LRRC3B: variants seen among roughly 807,000 people sequenced by gnomAD.
LRRC3B encodes the protein leucine-rich repeat-containing protein 3B.
Under a neutral mutation model 12.8 loss-of-function variants are expected in LRRC3B, and 2 were observed. That is an observed-to-expected ratio of 0.16 (90% confidence interval 0.06 to 0.49). LRRC3B has a LOEUF of 0.49. Among genes scored for constraint, LRRC3B ranks in the 20% least tolerant of loss-of-function variants. LRRC3B has a pLI of 0.96. For missense variants in LRRC3B, 189 were observed against 319.4 expected, an observed-to-expected ratio of 0.59 and a Z score of 3.11; for synonymous variants, 132 against 122.0, an observed-to-expected ratio of 1.08 and a Z score of -0.54.
chr3:26,629,322 G>A (rs189342627), intron 1 of LRRC3B, among the ~76,000 whole-genome samples: 1 of 151,932 alleles, frequency 6.6e-6, no homozygotes, highest in African/African-American at 2.4e-5. Flanking sequence ...GTAACTTACT[G>A]GGAGAGACTG....
intron 1 of LRRC3B, among the ~76,000 whole-genome samples, chr3:26,637,829 A>G (rs1439891068): frequency 6.6e-6 from 1 of 152,266 alleles, no homozygotes; most frequent in East Asian, 1.9e-4. Context: ...GACTAATATC[A>G]TCACCCAATG....
intron 1 of LRRC3B, among the ~76,000 whole-genome samples, chr3:26,650,711 CATT>C (rs368052906): frequency 6.6e-6 from 1 of 151,984 alleles, no homozygotes; most frequent in Admixed American, 6.6e-5. Context: ...CCAAATAGCT[CATT>C]ATTATTATTA....
intron 1 of LRRC3B, among the ~76,000 whole-genome samples, chr3:26,668,117 C>T (rs1046585723): frequency 6.6e-6 from 1 of 151,104 alleles, no homozygotes; most frequent in Non-Finnish European, 1.5e-5. Flanking sequence ...TGAGTTTGCT[C>T]TCTTTGTAAT....
intron 1 of LRRC3B, among the ~76,000 whole-genome samples, chr3:26,693,322 C>A (rs1205044808): frequency 7.7e-6 from 1 of 130,028 alleles, no homozygotes. Context: ...GAGCGAAACT[C>A]CGTCTCAAAA....
rs146258223 is a variant in LRRC3B, at chr3:26,710,036, G to A, written c.364G>A (p.Asp122Asn). Residue 122 changes from aspartate to asparagine, a missense_variant, in exon 2 of 2, where the codon GAC becomes AAC. Transcript: ENST00000396641. ...AACCTTGCAGACTCTGGACTTGTCC[G>A]ACAATCGGATTCAAAGTGTGCACAA... 59 of 1,614,052 alleles carry A rather than the reference G, an allele frequency of 3.7e-5. 1 individual carries two copies. Among genetic ancestry groups the A allele is most frequent in the South Asian group, 2.3e-4 (21 of 91,072 alleles).
chr3:26,699,692 A>G (rs1700406736), intron 1 of LRRC3B, among the ~76,000 whole-genome samples: 1 of 152,218 alleles, frequency 6.6e-6, no homozygotes, highest in Admixed American at 6.5e-5. Flanking sequence ...ACTCTGGTGA[A>G]TCTTGAGAGC....
At chr3:26,709,832 A>C (rs1046704717) in exon 2 of LRRC3B, 1 of 1,614,120 alleles carries the variant, frequency 6.2e-7, no homozygotes, top group African/African-American at 1.3e-5. Flanking sequence ...TAGCAATGCA[A>C]ATCTCAAGGA....
chr3:26,647,059 G>C (rs532503323), intron 1 of LRRC3B, among the ~76,000 whole-genome samples: 19 of 152,010 alleles, frequency 1.2e-4, no homozygotes, highest in Non-Finnish European at 2.2e-4. Flanking sequence ...CCTTCCTTCT[G>C]TTTGTAGAAC....
At chr3:26,685,615 G>GTGTATATATATATA (rs1395832034) in intron 1 of LRRC3B, among the ~76,000 whole-genome samples, 3 of 120,484 alleles carry the variant, frequency 2.5e-5, no homozygotes, top group African/African-American at 1.0e-4. Context: ...ATGTGTGTGT[G>GTGTATATATATATA]TATATATATA....
At chr3:26,648,101 T>C (rs1230541555) in intron 1 of LRRC3B, among the ~76,000 whole-genome samples, 1 of 151,940 alleles carries the variant, frequency 6.6e-6, no homozygotes, top group Non-Finnish European at 1.5e-5. Flanking sequence ...TTTTTTCATC[T>C]ACTTACCTTT....
intron 1 of LRRC3B, among the ~76,000 whole-genome samples, chr3:26,668,233 T>C (rs1350004337): frequency 6.6e-6 from 1 of 152,016 alleles, no homozygotes; most frequent in Non-Finnish European, 1.5e-5. Context: ...CTCTGAGAAA[T>C]GACTAGACTT....
chr3:26,624,219 C>A (rs557588119), intron 1 of LRRC3B: 5 of 152,500 alleles, frequency 3.3e-5, no homozygotes, highest in Non-Finnish European at 5.9e-5. Context: ...CCGCGAGAAT[C>A]TGAATGCGTT....
intron 1 of LRRC3B, among the ~76,000 whole-genome samples, chr3:26,646,842 T>G (rs1256080999): frequency 6.6e-6 from 1 of 152,088 alleles, no homozygotes; most frequent in Non-Finnish European, 1.5e-5. Flanking sequence ...TGTACAGGAT[T>G]TGGAGTCAGG....
intron 1 of LRRC3B, among the ~76,000 whole-genome samples, chr3:26,632,872 C>T (rs73821152): frequency 0.025 from 3,801 of 152,108 alleles, 192 homozygotes; most frequent in African/African-American, 0.087. Flanking sequence ...CTGGTGTGTT[C>T]GAACTGGCCT....
At chr3:26,656,035 T>G (rs1182430895) in intron 1 of LRRC3B, among the ~76,000 whole-genome samples, 1 of 152,178 alleles carries the variant, frequency 6.6e-6, no homozygotes, top group African/African-American at 2.4e-5. Flanking sequence ...TTCTCTATTC[T>G]GCCTCCAACT....
intron 1 of LRRC3B, among the ~76,000 whole-genome samples, chr3:26,702,416 G>A (rs1216782030): frequency 1.3e-5 from 2 of 152,132 alleles, no homozygotes; most frequent in South Asian, 2.1e-4. Context: ...TCATGGGCCA[G>A]AACTTTATAA....
At chr3:26,661,087 C>T (rs1339623787) in intron 1 of LRRC3B, among the ~76,000 whole-genome samples, 2 of 152,102 alleles carry the variant, frequency 1.3e-5, no homozygotes, top group African/African-American at 4.8e-5. Flanking sequence ...GTCAAATCAG[C>T]CAATAGAAGT....
intron 1 of LRRC3B, among the ~76,000 whole-genome samples, chr3:26,706,353 A>ATCTT (rs1180389336): frequency 6.6e-6 from 1 of 152,178 alleles, no homozygotes; most frequent in Non-Finnish European, 1.5e-5. Context: ...TACATCCTGC[A>ATCTT]TCTTTTGTCA....
intron 1 of LRRC3B, among the ~76,000 whole-genome samples, chr3:26,677,140 T>G (rs539403185): frequency 6.6e-6 from 1 of 152,282 alleles, no homozygotes; most frequent in South Asian, 2.1e-4. Context: ...ACCATCCTTC[T>G]TCACAGGGAT....
Sources: gnomAD v4.1 joint callset for allele counts (sites outside exome capture counted in the v4.1 genomes callset) on GRCh38, gnomAD v4.1.1 for gene constraint, MANE v1.5 for transcripts, NCBI Gene and HGNC (gene_info 2026-07-23, HGNC 2026-07-21) for gene names.